ECT2: variants seen among roughly 807,000 people sequenced by gnomAD.
ECT2 encodes epithelial cell transforming 2.
ECT2 carries 61 observed loss-of-function variants against 116.9 expected under a neutral mutation model. The ratio of observed to expected loss-of-function variants is 0.52; its 90% CI spans 0.42 to 0.65. ECT2 has a LOEUF of 0.65. Among genes scored for constraint, ECT2 ranks in the 30% least tolerant of loss-of-function variants. The pLI is 0.00. For synonymous variants in ECT2, 358 were observed against 346.4 expected (o/e 1.03, Z -0.37); for missense variants, 937 against 1,078.7 (o/e 0.87, Z 1.84).
the ECT2 span, among the ~76,000 whole-genome samples, chr3:172,826,993 G>A: frequency 6.6e-5 from 10 of 152,156 alleles, no homozygotes; most frequent in Non-Finnish European, 1.3e-4. Context: ...GAATAGACGT[G>A]TTTCAAAAGA....
At chr3:172,755,037 T>G (rs1198035378) in intron 2 of ECT2, among the ~76,000 whole-genome samples, 1 of 151,916 alleles carries the variant, frequency 6.6e-6, no homozygotes, top group Admixed American at 6.6e-5. Context: ...AGGATGACTA[T>G]GTAAGATAGC....
At chr3:172,819,394 T>G (rs974122978) in intron 24 of ECT2, among the ~76,000 whole-genome samples, 1 of 152,146 alleles carries the variant, frequency 6.6e-6, no homozygotes, top group Non-Finnish European at 1.5e-5. Flanking sequence ...AGAGTTGTTT[T>G]ATTTTAAAAT....
chr3:172,764,257 C>T (rs1718894974), intron 11 of ECT2, 21 bp from the exon 12 acceptor site: 1 of 1,599,982 alleles, frequency 6.3e-7, no homozygotes, highest in Non-Finnish European at 8.6e-7. Flanking sequence ...GTAAATTGAG[C>T]TTGTGTGCTT....
chr3:172,782,086 A>C, intron 14 of ECT2, 77 bp from the exon 15 acceptor site: 1 of 756,280 alleles, frequency 1.3e-6, no homozygotes, highest in Non-Finnish European at 2.0e-6. Context: ...CTTTCCAATG[A>C]GTATCTCAGA....
At chr3:172,774,118 G>A in intron 14 of ECT2, 96 bp downstream of exon 14, 1 of 1,217,824 alleles carries the variant, frequency 8.2e-7, no homozygotes. Flanking sequence ...AATAAGTTTT[G>A]TACCTAAAAC....
intron 13 of ECT2, among the ~76,000 whole-genome samples, chr3:172,773,397 G>A (rs11926936): frequency 0.094 from 14,231 of 151,994 alleles, 1,229 homozygotes; most frequent in African/African-American, 0.22. Flanking sequence ...CAAACTCATT[G>A]TTAGTTCTTA....
At chr3:172,807,715 T>G (rs1251662944) in intron 21 of ECT2, 55 bp from the exon 22 acceptor site, 5 of 1,547,374 alleles carry the variant, frequency 3.2e-6, no homozygotes, top group Non-Finnish European at 4.4e-6. Flanking sequence ...CTTGCATACA[T>G]CTGTCATTTT....
chr3:172,803,901 C>T (rs1205345355), intron 20 of ECT2, among the ~76,000 whole-genome samples: 1 of 151,656 alleles, frequency 6.6e-6, no homozygotes, highest in Non-Finnish European at 1.5e-5. Flanking sequence ...ACTTCCTGGG[C>T]TCTGGTGATT....
At chr3:172,795,272 G>T (rs1040218458) in intron 18 of ECT2, among the ~76,000 whole-genome samples, 4 of 146,978 alleles carry the variant, frequency 2.7e-5, no homozygotes, top group African/African-American at 1.0e-4. Flanking sequence ...GTTGCAGTGA[G>T]CCAAGATTGC....
At chr3:172,804,799 T>C (rs1203580252) in intron 20 of ECT2, among the ~76,000 whole-genome samples, 2 of 152,164 alleles carry the variant, frequency 1.3e-5, no homozygotes, top group Admixed American at 6.5e-5. Context: ...AATTGGTTCA[T>C]TGACTTGCCA....
At chr3:172,789,993 C>A (rs542648149) in intron 18 of ECT2, among the ~76,000 whole-genome samples, 63 of 148,450 alleles carry the variant, frequency 4.2e-4, no homozygotes, top group African/African-American at 1.5e-3. Flanking sequence ...TCCCACGATT[C>A]ACAAATTTTT....
chr3:172,778,771 A>G (rs1370983309), intron 14 of ECT2, among the ~76,000 whole-genome samples: 1 of 151,318 alleles, frequency 6.6e-6, no homozygotes, highest in Non-Finnish European at 1.5e-5. Context: ...AGTTTTTTGT[A>G]TTTTTAGTAG....
intron 22 of ECT2, among the ~76,000 whole-genome samples, chr3:172,809,825 A>T: frequency 6.6e-6 from 1 of 152,182 alleles, no homozygotes; most frequent in East Asian, 1.9e-4. Context: ...AGTTAAAATT[A>T]TCAGGCTGAA....
intron 22 of ECT2, among the ~76,000 whole-genome samples, chr3:172,810,963 T>C (rs976057095): frequency 3.3e-5 from 5 of 152,190 alleles, no homozygotes; most frequent in African/African-American, 9.6e-5. Context: ...TTCCAAAGCT[T>C]CTTTAATGCT....
At chr3:172,828,984 A>C in the ECT2 span, 3 of 1,165,764 alleles carry the variant, frequency 2.6e-6, no homozygotes, top group Non-Finnish European at 3.8e-6. Context: ...TTGCTGTGTC[A>C]ATGTCCCAGG....
At position 172,757,071 on chromosome 3, in the gene ECT2, C is replaced by T. The variant is rs572854836; in HGVS notation, c.392C>T (p.Thr131Met). Reference protein sequence around the residue: ...SPEFENVFVVTDFQDSVFNDL... With the variant: ...SPEFENVFVVMDFQDSVFNDL... ...GAATTTGAAAATGTATTTGTAGTCA[C>T]GGACTTTCAGGATTCTGTCTTTAAT... The change falls in exon 5 of 25, where the codon ACG (threonine) becomes ATG (methionine). Residue 131 changes from threonine to methionine, a missense_variant. Coordinates refer to ENST00000392692, the MANE Select transcript of ECT2 (RefSeq NM_001258315.2). 14 of 1,610,664 alleles carry T rather than the reference C, an allele frequency of 8.7e-6. No homozygotes were observed. In the Middle Eastern group the frequency reaches 9.9e-4, roughly 114 times the overall value.
At chr3:172,757,664 T>C (rs6791034) in intron 5 of ECT2, among the ~76,000 whole-genome samples, 89,462 of 151,808 alleles carry the variant, frequency 0.59, 26,966 homozygotes, top group East Asian at 0.86. Context: ...ATCCACCCGC[T>C]TCGGACTCTC....
intron 14 of ECT2, among the ~76,000 whole-genome samples, chr3:172,779,910 G>C (rs1472156812): frequency 7.0e-6 from 1 of 143,076 alleles, no homozygotes; most frequent in African/African-American, 2.9e-5. Context: ...AAAAAAAAAA[G>C]AAAGAAAATA....
chr3:172,829,000 A>G, the ECT2 span: 1 of 1,027,232 alleles, frequency 9.7e-7, no homozygotes, highest in South Asian at 1.3e-5. Context: ...CCAGGAGACA[A>G]CACTGGTCTG....
Sources: gnomAD v4.1 joint callset for allele counts (sites outside exome capture counted in the v4.1 genomes callset) on GRCh38, gnomAD v4.1.1 for gene constraint, MANE v1.5 for transcripts, NCBI Gene and HGNC (gene_info 2026-07-23, HGNC 2026-07-21) for gene names.